SLC44A5: variants seen among roughly 807,000 people sequenced by gnomAD.
The protein encoded by SLC44A5 is solute carrier family 44 member 5, also known as choline transporter-like protein 5.
Under a neutral mutation model 101.8 loss-of-function variants are expected in SLC44A5, and 57 were observed. The observed-to-expected ratio is 0.56, with a 90% confidence interval of 0.45 to 0.70. The LOEUF (loss-of-function observed/expected upper bound fraction) is 0.70. SLC44A5 is among the 30% of genes least tolerant of loss of function. The pLI is 0.00. For synonymous variants in SLC44A5, 281 were observed against 290.9 expected, an observed-to-expected ratio of 0.97 and a Z score of 0.35; for missense variants, 737 against 853.1, an observed-to-expected ratio of 0.86 and a Z score of 1.70.
the SLC44A5 span, among the ~76,000 whole-genome samples, chr1:75,682,807 A>T: frequency 2.0e-5 from 3 of 152,184 alleles, no homozygotes; most frequent in African/African-American, 7.2e-5. Flanking sequence ...CTACCATCAG[A>T]CTGAACAGGC....
chr1:75,712,105 A>G, the SLC44A5 span, among the ~76,000 whole-genome samples: 7 of 152,206 alleles, frequency 4.6e-5, no homozygotes, highest in Non-Finnish European at 8.8e-5. Context: ...TCCAAGACCT[A>G]GGAAATCCTA....
rs1655539305 is a variant in SLC44A5, at chr1:75,314,397, A to T, written c.102-13712T>A. On this transcript the variant is annotated intron_variant, in intron 4 of 23. Transcript: ENST00000370859. ...TCTTTCATATTTTGATGTAAAAAGC[A>T]TGTGAAATCTATGTTTTATTATTAA... is the stretch of plus-strand genomic sequence containing the variant. Among the ~76,000 whole-genome samples the T allele has an allele frequency of 1.3e-5, 2 of 152,308 alleles. 1 individual carries two copies. The highest frequency in any genetic ancestry group is 4.1e-4 in the South Asian group (2 of 4,828).
At chr1:75,656,638 C>A in the SLC44A5 span, among the ~76,000 whole-genome samples, 1 of 151,664 alleles carries the variant, frequency 6.6e-6, no homozygotes, top group Non-Finnish European at 1.5e-5. Flanking sequence ...TTTGTAAGCC[C>A]CATGGTAATC....
the SLC44A5 span, among the ~76,000 whole-genome samples, chr1:75,706,600 TTC>T: frequency 1.3e-5 from 2 of 152,152 alleles, no homozygotes; most frequent in African/African-American, 2.4e-5. Context: ...TGGGCCCTGC[TTC>T]TGTTATTAAA....
chr1:75,219,247 T>G lies in SLC44A5; in HGVS notation c.1266+10A>C, dbSNP rs2100496264. The stretch of plus-strand genomic sequence containing the variant: ...TGAAGTAAGTAAATGAAAGAGTTTC[T>G]TGTACTTACCTCTGGGTCACAGGTT... On this transcript the variant is annotated intron_variant, in intron 16 of 23. Coordinates refer to ENST00000370859, the MANE Select transcript of SLC44A5 (RefSeq NM_001130058.2). 1 of 1,577,056 alleles carries G rather than the reference T, an allele frequency of 6.3e-7. No homozygotes were observed. Among genetic ancestry groups the G allele is most frequent in the Non-Finnish European group, 8.7e-7 (1 of 1,146,538 alleles).
At chr1:75,357,318 G>C in intron 3 of SLC44A5, 2 of 427,790 alleles carry the variant, frequency 4.7e-6, no homozygotes, top group South Asian at 1.7e-5. Flanking sequence ...CATTGATAGA[G>C]AGCCCTTAAA....
chr1:75,707,010 A>C, the SLC44A5 span, among the ~76,000 whole-genome samples: 1 of 152,224 alleles, frequency 6.6e-6, no homozygotes, highest in Admixed American at 6.5e-5. Context: ...TTGTATGTTG[A>C]GGAAGACCAT....
At chr1:75,233,793 C>T (rs1647818208) in intron 12 of SLC44A5, among the ~76,000 whole-genome samples, 193 bp downstream of exon 12, 1 of 151,890 alleles carries the variant, frequency 6.6e-6, no homozygotes, top group South Asian at 2.1e-4. Flanking sequence ...ATTTTTTCCC[C>T]AAAGATACAG....
chr1:75,566,952 G>A (rs565923302), intron 1 of SLC44A5, among the ~76,000 whole-genome samples: 2 of 152,288 alleles, frequency 1.3e-5, no homozygotes, highest in East Asian at 3.9e-4. Context: ...GGAAAATCTG[G>A]ATTTCATTGT....
the SLC44A5 span, among the ~76,000 whole-genome samples, chr1:75,692,837 G>T: frequency 6.6e-6 from 1 of 152,146 alleles, no homozygotes; most frequent in Non-Finnish European, 1.5e-5. Context: ...ATGAGGGTTG[G>T]TCAATTTGAA....
chr1:75,412,764 G>T (rs1663364049), intron 2 of SLC44A5, among the ~76,000 whole-genome samples: 1 of 152,140 alleles, frequency 6.6e-6, no homozygotes, highest in South Asian at 2.1e-4. Flanking sequence ...ACGCTGCCCT[G>T]TTCCTTCTTG....
chr1:75,559,238 A>G (rs1175817179), intron 1 of SLC44A5, among the ~76,000 whole-genome samples: 3 of 152,032 alleles, frequency 2.0e-5, no homozygotes, highest in African/African-American at 7.2e-5. Context: ...GTCAAGCGTA[A>G]TAGGAAATCA....
intron 2 of SLC44A5, among the ~76,000 whole-genome samples, chr1:75,400,330 A>C (rs905941193): frequency 6.6e-6 from 1 of 152,216 alleles, no homozygotes; most frequent in African/African-American, 2.4e-5. Flanking sequence ...TGTATCCCTG[A>C]ATCTGTAATT....
chr1:75,477,200 G>C (rs1409555983), intron 2 of SLC44A5, among the ~76,000 whole-genome samples: 1 of 152,202 alleles, frequency 6.6e-6, no homozygotes, highest in African/African-American at 2.4e-5. Flanking sequence ...GGTCCTGTCT[G>C]TTAGAAGGAA....
At chr1:75,296,081 T>A (rs552771788) in intron 5 of SLC44A5, among the ~76,000 whole-genome samples, 3 of 152,316 alleles carry the variant, frequency 2.0e-5, no homozygotes, top group African/African-American at 7.2e-5. Context: ...GTAAACTTCT[T>A]TCTTTCTCTA....
At chr1:75,680,682 T>C in the SLC44A5 span, among the ~76,000 whole-genome samples, 1 of 151,006 alleles carries the variant, frequency 6.6e-6, no homozygotes, top group South Asian at 2.1e-4. Flanking sequence ...ATTGACACCC[T>C]AACATCACAA....
At chr1:75,632,752 T>C in the SLC44A5 span, among the ~76,000 whole-genome samples, 1 of 152,228 alleles carries the variant, frequency 6.6e-6, no homozygotes, top group Non-Finnish European at 1.5e-5. Flanking sequence ...AAATTGCTTA[T>C]GTTCATAAGT....
the SLC44A5 span, among the ~76,000 whole-genome samples, chr1:75,647,812 C>T: frequency 1.3e-5 from 2 of 152,184 alleles, no homozygotes; most frequent in Non-Finnish European, 2.9e-5. Context: ...TGCCCATACT[C>T]CCATTGTACC....
chr1:75,298,008 C>T (rs1000744026), intron 5 of SLC44A5, among the ~76,000 whole-genome samples: 19 of 152,202 alleles, frequency 1.2e-4, no homozygotes, highest in Admixed American at 1.0e-3. Context: ...GGAAACACTT[C>T]TTTATGAAAA....
Sources: allele counts gnomAD v4.1 joint callset (sites outside exome capture counted in the v4.1 genomes callset), GRCh38; gene constraint gnomAD v4.1.1; transcripts MANE v1.5; gene names NCBI Gene and HGNC (gene_info 2026-07-23, HGNC 2026-07-21).